The following SCN8A variants were observed in gnomAD, a reference collection of about 807,000 sequenced individuals.
SCN8A encodes the protein sodium voltage-gated channel alpha subunit 8.
SCN8A carries 30 observed loss-of-function variants against 184.1 expected under a neutral mutation model. That is an observed-to-expected ratio of 0.16 (90% confidence interval 0.12 to 0.22). SCN8A has a LOEUF of 0.22. SCN8A is among the 10% of genes least tolerant of loss of function. SCN8A has a pLI of 1.00. For missense variants in SCN8A, 1,057 were observed against 2,498.9 expected (o/e 0.42, Z 12.30); for synonymous variants, 852 against 907.0 (o/e 0.94, Z 1.09).
chr12:51,663,573 A>C (rs1031498488), intron 2 of SCN8A, among the ~76,000 whole-genome samples: 3 of 152,210 alleles, frequency 2.0e-5, no homozygotes, highest in Admixed American at 1.3e-4. Context: ...TGAGTAAAGC[A>C]AACAGCCAAT....
At chr12:51,613,790 T>A (rs938431205) in intron 1 of SCN8A, among the ~76,000 whole-genome samples, 1 of 152,148 alleles carries the variant, frequency 6.6e-6, no homozygotes, top group Non-Finnish European at 1.5e-5. Context: ...GATTTTTGTT[T>A]CCCCTGAGAC....
intron 20 of SCN8A, 58 bp from the exon 21 acceptor site, chr12:51,780,565 CTTTTTTTTTTTTTTTTTTTTTTTTTT>C (rs528514747): frequency 9.4e-5 from 28 of 297,794 alleles, no homozygotes; most frequent in East Asian, 7.1e-4. Flanking sequence ...TGTTTTCTTT[CTTTTTTTTTTTTTTTTTTTTTTTTTT>C]TTTTTTTTTT....
intron 1 of SCN8A, among the ~76,000 whole-genome samples, chr12:51,653,368 G>A (rs1592357164): frequency 6.6e-6 from 1 of 152,086 alleles, no homozygotes; most frequent in Non-Finnish European, 1.5e-5. Flanking sequence ...CCCCTATTCT[G>A]CTTTCTGTCT....
At chr12:51,775,779 G>T (rs1162672451) in intron 20 of SCN8A, among the ~76,000 whole-genome samples, 1 of 152,174 alleles carries the variant, frequency 6.6e-6, no homozygotes, top group Non-Finnish European at 1.5e-5. Context: ...CCTGGCGTCA[G>T]GTGGGACACC....
intron 2 of SCN8A, among the ~76,000 whole-genome samples, chr12:51,680,138 A>G (rs866608497): frequency 1.3e-5 from 2 of 152,186 alleles, no homozygotes; most frequent in Non-Finnish European, 2.9e-5. Context: ...ATTTACCTTC[A>G]TTTCAGGAGT....
At chr12:51,679,411 T>C (rs975454737) in intron 2 of SCN8A, among the ~76,000 whole-genome samples, 13 of 152,126 alleles carry the variant, frequency 8.5e-5, no homozygotes, top group Non-Finnish European at 1.6e-4. Flanking sequence ...TCTTAAATGG[T>C]TGGATGTGTG....
intron 1 of SCN8A, among the ~76,000 whole-genome samples, chr12:51,630,731 G>T (rs1190549293): frequency 6.6e-6 from 1 of 151,938 alleles, no homozygotes; most frequent in African/African-American, 2.4e-5. Context: ...TTGCACTTTT[G>T]CTTCTTTTAT....
intron 12 of SCN8A, among the ~76,000 whole-genome samples, chr12:51,744,568 G>A (rs1283054751): frequency 6.6e-6 from 1 of 150,748 alleles, no homozygotes. Context: ...AAGACCCCAA[G>A]GTCACTGATC....
At chr12:51,689,151 T>C in intron 6 of SCN8A, 55 bp downstream of exon 6, 1 of 1,308,692 alleles carries the variant, frequency 7.6e-7, no homozygotes, top group South Asian at 1.3e-5. Flanking sequence ...TTCTCCTCCA[T>C]TCGTTTTGTC....
chr12:51,745,834 A>C, intron 12 of SCN8A, 69 bp from the exon 13 acceptor site: 5 of 1,338,726 alleles, frequency 3.7e-6, no homozygotes, highest in Non-Finnish European at 4.0e-6. Context: ...ACTGTGTATC[A>C]AGTAAGGCCC....
intron 7 of SCN8A, 80 bp downstream of exon 7, chr12:51,699,871 A>C: frequency 7.6e-7 from 1 of 1,317,408 alleles, no homozygotes; most frequent in African/African-American, 1.5e-5. Flanking sequence ...ACAGGGCTTA[A>C]AAAAGTAGTT....
chr12:51,791,588 A>C (rs553710826), intron 25 of SCN8A, among the ~76,000 whole-genome samples: 1 of 152,352 alleles, frequency 6.6e-6, no homozygotes, highest in South Asian at 2.1e-4. Flanking sequence ...ACTAAAGGGA[A>C]TAGAAAAGGG....
At chr12:51,746,989 CAA>C (rs753517444) in intron 13 of SCN8A, among the ~76,000 whole-genome samples, 24 of 151,954 alleles carry the variant, frequency 1.6e-4, no homozygotes, top group Non-Finnish European at 2.8e-4. Flanking sequence ...CTGGAATAAC[CAA>C]AGTCCCTGAG....
chr12:51,697,286 A>G (rs1479199675), intron 6 of SCN8A, among the ~76,000 whole-genome samples: 1 of 152,152 alleles, frequency 6.6e-6, no homozygotes, highest in Non-Finnish European at 1.5e-5. Flanking sequence ...CTTTATCTCT[A>G]CAGTCTACCT....
Position 51,702,811 on chromosome 12 carries a change from G to T in SCN8A, c.1031G>T (p.Arg344Met), listed in dbSNP as rs929312159. 1.2e-6 allele frequency: 2 copies of T among 1,609,912 alleles called. No individual in the cohort carries two copies. Among genetic ancestry groups the T allele is most frequent in the African/African-American group, 1.3e-5 (1 of 75,014 alleles). The stretch of plus-strand genomic sequence containing the variant: ...GGATACCAGTGTATGAAAGCAGGAA[G>T]GAACCCCAACTATGGTTACACAAGT... ...PEGYQCMKAG[R>M]NPNYGYTSFD... The change falls in exon 9 of 27, where the codon AGG becomes ATG. Residue 344 changes from arginine (R) to methionine (M), a missense_variant. This residue lies in a region of SCN8A where 27 missense variants were observed against 150.1 expected (regional missense o/e 0.18). Coordinates refer to ENST00000627620, the MANE Select transcript of SCN8A (RefSeq NM_001330260.2).
intron 25 of SCN8A, among the ~76,000 whole-genome samples, chr12:51,793,171 G>T (rs1938314004): frequency 6.6e-6 from 1 of 152,206 alleles, no homozygotes; most frequent in Admixed American, 6.5e-5. Context: ...GATGATGGTG[G>T]CTCAGGTTAG....
At position 51,771,120 on chromosome 12, in the gene SCN8A, A is replaced by G. The variant is rs182613571; in HGVS notation, c.3645+437A>G. Among the ~76,000 whole-genome samples the G allele has an allele frequency of 8.5e-5, 13 of 152,342 alleles. No individual in the cohort carries two copies. The East Asian group carries it at 2.5e-3, about 29-fold the overall frequency. On this transcript the variant is annotated intron_variant, in intron 19 of 26. Transcript: ENST00000627620. ...GAGTCAGATCTCTGGTACAAAGGTT[A>G]TTTATATTCACATTGTCCTAAGTGC... is the stretch of plus-strand genomic sequence containing the variant.
intron 21 of SCN8A, among the ~76,000 whole-genome samples, chr12:51,786,143 T>C (rs1407927771): frequency 6.6e-6 from 1 of 152,200 alleles, no homozygotes; most frequent in Non-Finnish European, 1.5e-5. Flanking sequence ...TACCTTGTTT[T>C]TCAGAGGGGG....
Position 51,757,273 on chromosome 12 carries a change from C to T in SCN8A, c.2371-5230C>T, listed in dbSNP as rs542418527. On this transcript the variant is annotated intron_variant, in intron 14 of 26. Transcript: ENST00000627620. ...CCAGGATGAGTTACTTACATTCTGG[C>T]GACTGAGTTCGTAAGGAACCATTAT... Among the ~76,000 whole-genome samples the T allele has an allele frequency of 1.4e-3, 214 of 151,720 alleles. 1 individual carries two copies. The highest frequency in any genetic ancestry group is 4.6e-3 in the African/African-American group (190 of 41,442).
Sources: gnomAD v4.1 joint callset for allele counts (sites outside exome capture counted in the v4.1 genomes callset) on GRCh38, gnomAD v4.1.1 for gene constraint, gnomAD v4.1.1 regional missense constraint, MANE v1.5 for transcripts, NCBI Gene and HGNC (gene_info 2026-07-23, HGNC 2026-07-21) for gene names.